The following ATAD2B variants were observed in gnomAD, a reference collection of about 807,000 sequenced individuals.
ATAD2B encodes ATPase family AAA domain-containing protein 2B.
Under a neutral mutation model 167.6 loss-of-function variants are expected in ATAD2B, and 40 were observed. The observed-to-expected ratio is 0.24, with a 90% CI of 0.19 to 0.31. The LOEUF (loss-of-function observed/expected upper bound fraction) is 0.31. ATAD2B is among the 10% of genes least tolerant of loss of function. The pLI is 1.00. For missense variants in ATAD2B, 1,242 were observed against 1,757.2 expected, an observed-to-expected ratio of 0.71 and a Z score of 5.24; for synonymous variants, 579 against 596.5, an observed-to-expected ratio of 0.97 and a Z score of 0.43.
At chr2:23,706,370 C>G in the ATAD2B span, 3 of 782,300 alleles carry the variant, frequency 3.8e-6, no homozygotes, top group African/African-American at 3.6e-5. Flanking sequence ...ATCCCAGATG[C>G]CTTCTGCAAA....
intron 8 of ATAD2B, among the ~76,000 whole-genome samples, chr2:23,870,452 G>C (rs1051928617): frequency 6.6e-6 from 1 of 151,670 alleles, no homozygotes. Context: ...ACACTGGCTA[G>C]TTTTTGTACT....
At chr2:23,694,230 G>A in the ATAD2B span, among the ~76,000 whole-genome samples, 2 of 152,192 alleles carry the variant, frequency 1.3e-5, no homozygotes, top group Non-Finnish European at 2.9e-5. Flanking sequence ...ACCTCTTCCT[G>A]TTCCTTATTT....
At chr2:23,872,559 G>A in intron 8 of ATAD2B, 3 of 1,064,740 alleles carry the variant, frequency 2.8e-6, no homozygotes, top group Non-Finnish European at 4.4e-6. Context: ...TCACAGGAGG[G>A]TAGCTGATCC....
At chr2:23,717,162 C>T in the ATAD2B span, among the ~76,000 whole-genome samples, 1 of 152,152 alleles carries the variant, frequency 6.6e-6, no homozygotes, top group Admixed American at 6.5e-5. Context: ...TGAGTAGGAA[C>T]ATGCCATTAA....
the ATAD2B span, among the ~76,000 whole-genome samples, chr2:23,717,681 T>G: frequency 5.3e-5 from 8 of 151,930 alleles, no homozygotes; most frequent in Non-Finnish European, 7.4e-5. Context: ...AAATACTATA[T>G]AGATATAAGA....
At chr2:23,917,599 G>A (rs1231746357) in intron 1 of ATAD2B, among the ~76,000 whole-genome samples, 4 of 151,860 alleles carry the variant, frequency 2.6e-5, no homozygotes, top group East Asian at 1.9e-4. Flanking sequence ...TCTGCTTACC[G>A]GGATTTTTTT....
At chr2:23,783,681 C>T (rs1047593235) in intron 21 of ATAD2B, among the ~76,000 whole-genome samples, 1 of 152,070 alleles carries the variant, frequency 6.6e-6, no homozygotes, top group African/African-American at 2.4e-5. Flanking sequence ...TAACCCTAAA[C>T]AGGAGATATT....
At chr2:23,691,605 T>C in the ATAD2B span, 3 of 1,346,516 alleles carry the variant, frequency 2.2e-6, no homozygotes, top group Non-Finnish European at 3.1e-6. Context: ...CAGGGAGATC[T>C]AGCCCTGTGA....
At chr2:23,802,064 A>G (rs1286120251) in intron 18 of ATAD2B, among the ~76,000 whole-genome samples, 1 of 152,062 alleles carries the variant, frequency 6.6e-6, no homozygotes, top group African/African-American at 2.4e-5. Context: ...ACCTGCCTAA[A>G]GAGGGCAATA....
chr2:23,918,534 C>T (rs1459483779), intron 1 of ATAD2B, among the ~76,000 whole-genome samples: 1 of 152,182 alleles, frequency 6.6e-6, no homozygotes, highest in Admixed American at 6.5e-5. Flanking sequence ...CTACACACTG[C>T]CTCCTGAAAT....
At chr2:23,880,135 A>G (rs986999370) in intron 7 of ATAD2B, among the ~76,000 whole-genome samples, 1 of 152,114 alleles carries the variant, frequency 6.6e-6, no homozygotes, top group Non-Finnish European at 1.5e-5. Flanking sequence ...TCAGTAAACT[A>G]TACAGTGTAA....
chr2:23,819,580 T>C (rs1687144966), intron 17 of ATAD2B, among the ~76,000 whole-genome samples, 167 bp downstream of exon 17: 1 of 151,996 alleles, frequency 6.6e-6, no homozygotes, highest in Non-Finnish European at 1.5e-5. Context: ...AACTAACTAT[T>C]ACCACATGAA....
Position 23,863,474 on chromosome 2 carries a change from G to A in ATAD2B, c.1386C>T (p.Asp462=), listed in dbSNP as rs1434755485. The part of the protein sequence containing the change: ...RALANECSQG[D]KKVAFFMRKG... ...TTCGCATAAAAAAAGCCACTTTTTTGTCTCCTTGGCTGCATTCATTAGCTA... is the reference window on the plus strand; with the variant it reads ...TTCGCATAAAAAAAGCCACTTTTTTATCTCCTTGGCTGCATTCATTAGCTA... The change falls in exon 12 of 28, where the codon GAC becomes GAT. Residue 462 remains aspartate (D), a synonymous_variant. Coordinates refer to ENST00000238789, the MANE Select transcript of ATAD2B (RefSeq NM_017552.4). 3 of 1,556,820 alleles carry A rather than the reference G, an allele frequency of 1.9e-6. No individual in the cohort carries two copies. The Admixed American group carries it at 5.8e-5, about 30-fold the overall frequency.
At chr2:23,920,103 A>T (rs1485788252) in intron 1 of ATAD2B, among the ~76,000 whole-genome samples, 1 of 150,742 alleles carries the variant, frequency 6.6e-6, no homozygotes, top group African/African-American at 2.4e-5. Context: ...GTGAGGCGAC[A>T]TGGAGCCACT....
intron 4 of ATAD2B, among the ~76,000 whole-genome samples, chr2:23,887,331 A>G (rs1258577103): frequency 6.6e-6 from 1 of 152,172 alleles, no homozygotes; most frequent in Non-Finnish European, 1.5e-5. Flanking sequence ...AGCAGCTATG[A>G]CTACAGTCTC....
intron 9 of ATAD2B, among the ~76,000 whole-genome samples, chr2:23,868,313 T>C (rs927297865): frequency 6.6e-6 from 1 of 152,248 alleles, no homozygotes; most frequent in African/African-American, 2.4e-5. Flanking sequence ...TACTGATTGA[T>C]TGATTGAGAC....
chr2:23,683,582 G>A, the ATAD2B span, among the ~76,000 whole-genome samples: 1 of 152,196 alleles, frequency 6.6e-6, no homozygotes, highest in South Asian at 2.1e-4. Context: ...CATGGGCCCG[G>A]GCACTGTCTG....
chr2:23,922,269 G>C (rs1450568078), intron 1 of ATAD2B, among the ~76,000 whole-genome samples: 1 of 152,056 alleles, frequency 6.6e-6, no homozygotes, highest in Non-Finnish European at 1.5e-5. Context: ...TGTGAATACA[G>C]TATTAGATTG....
the ATAD2B span, among the ~76,000 whole-genome samples, chr2:23,682,556 T>A: frequency 0.011 from 1,726 of 152,330 alleles, 18 homozygotes; most frequent in Middle Eastern, 0.031. This position sits in a 1 kb window ranked among gnomAD's most constrained non-coding sequence, Gnocchi z 4.1. Flanking sequence ...TGCCCCAGGA[T>A]GAAGCTGGAG....
Sources: gnomAD v4.1 joint callset for allele counts (sites outside exome capture counted in the v4.1 genomes callset) on GRCh38, gnomAD v4.1.1 for gene constraint, Gnocchi (gnomAD v3.1) non-coding constraint, MANE v1.5 for transcripts, NCBI Gene and HGNC (gene_info 2026-07-23, HGNC 2026-07-21) for gene names.